The following TRIM23 variants were observed in gnomAD, a reference collection of about 807,000 sequenced individuals.
TRIM23 encodes tripartite motif containing 23.
In TRIM23, 27 loss-of-function variants were observed where a neutral mutation model predicts 71.0. The ratio of observed to expected loss-of-function variants is 0.38; its 90% CI spans 0.28 to 0.52. The LOEUF (loss-of-function observed/expected upper bound fraction) is 0.52. Among genes scored for constraint, TRIM23 ranks in the 20% least tolerant of loss-of-function variants. The probability of loss-of-function intolerance (pLI) is 0.84; values close to 1 mark genes in which losing one functional copy is unlikely to be tolerated. For synonymous variants in TRIM23, 234 were observed against 238.0 expected, an observed-to-expected ratio of 0.98 and a Z score of 0.16; for missense variants, 482 against 692.3, an observed-to-expected ratio of 0.70 and a Z score of 3.41.
intron 1 of TRIM23, among the ~76,000 whole-genome samples, chr5:65,623,577 T>C (rs747836713): frequency 1.8e-4 from 27 of 152,306 alleles, no homozygotes; most frequent in Non-Finnish European, 3.4e-4. Flanking sequence ...ATAAACTCTA[T>C]CGTTAATGCC....
chr5:65,623,734 G>A (rs1755021328), intron 1 of TRIM23, among the ~76,000 whole-genome samples: 1 of 152,038 alleles, frequency 6.6e-6, no homozygotes, highest in South Asian at 2.1e-4. Flanking sequence ...GTCAACCCGG[G>A]GCTCTGCCAC....
At chr5:65,607,319 G>A (rs1354965315) in intron 6 of TRIM23, among the ~76,000 whole-genome samples, 1 of 152,112 alleles carries the variant, frequency 6.6e-6, no homozygotes, top group African/African-American at 2.4e-5. Context: ...GTTTGGCTCC[G>A]TGTCCTCACC....
At chr5:65,622,206 C>T (rs1187867578) in intron 1 of TRIM23, among the ~76,000 whole-genome samples, 1 of 152,098 alleles carries the variant, frequency 6.6e-6, no homozygotes, top group Non-Finnish European at 1.5e-5. Flanking sequence ...CACTCTGTCA[C>T]CCAGGCTGGA....
At chr5:65,616,313 C>T (rs1188380805) in intron 2 of TRIM23, among the ~76,000 whole-genome samples, 8 of 152,144 alleles carry the variant, frequency 5.3e-5, no homozygotes, top group Non-Finnish European at 5.9e-5. Flanking sequence ...TAACTCTTCA[C>T]ATTGTGGTAT....
intron 7 of TRIM23, among the ~76,000 whole-genome samples, chr5:65,599,026 A>G (rs1449132538): frequency 1.3e-5 from 2 of 152,200 alleles, no homozygotes; most frequent in Non-Finnish European, 2.9e-5. Flanking sequence ...CAAAAAACTG[A>G]AAGCTTTTTC....
chr5:65,612,517 A>T (rs1042858954), intron 3 of TRIM23, among the ~76,000 whole-genome samples: 7 of 150,402 alleles, frequency 4.7e-5, no homozygotes, highest in African/African-American at 1.7e-4. Context: ...CACTGATTTA[A>T]GCAAATAAAA....
intron 1 of TRIM23, 85 bp from the exon 2 acceptor site, chr5:65,618,340 T>A (rs1375041891): frequency 1.5e-6 from 2 of 1,351,110 alleles, no homozygotes; most frequent in Admixed American, 2.7e-5. Flanking sequence ...TCACCTAATA[T>A]ATTGAATCAA....
intron 3 of TRIM23, among the ~76,000 whole-genome samples, chr5:65,612,638 G>A (rs1754683564): frequency 6.6e-6 from 1 of 152,030 alleles, no homozygotes; most frequent in Non-Finnish European, 1.5e-5. Context: ...GGCCAACATG[G>A]GGAAAGTCCA....
In TRIM23 at chr5:65,590,460, C is replaced by T; in HGVS notation, c.*1309G>A. 1 of 1,269,976 alleles carries T rather than the reference C, an allele frequency of 7.9e-7. No homozygotes were observed. The allele number at this position is 1,269,976 out of a possible 1,614,324, so 78.7% of individuals were successfully genotyped here. ...AACCACAACAGTGCTACCAAAAAGTCACATCTTGTTACCAGACATCACTGT... is the reference window on the plus strand; with the variant it reads ...AACCACAACAGTGCTACCAAAAAGTTACATCTTGTTACCAGACATCACTGT... On this transcript the variant is annotated 3_prime_UTR_variant, in exon 11 of 11. Coordinates refer to ENST00000231524, the MANE Select transcript of TRIM23 (RefSeq NM_001656.4).
In TRIM23 at chr5:65,609,224, C is replaced by A. The variant is rs149749557; in HGVS notation, c.1044+19G>T. 6.2e-7 allele frequency: 1 copy of A among 1,611,638 alleles called. No individual in the cohort carries two copies. The highest frequency in any genetic ancestry group is 1.1e-5 in the South Asian group (1 of 91,052). On this transcript the variant is annotated intron_variant, in intron 6 of 10. Transcript: ENST00000231524. ...CTTAAACTTACAACTAAGTCCCTAACCACATTTAAACTACCTACCTGCTGC... is the reference window on the plus strand; with the variant it reads ...CTTAAACTTACAACTAAGTCCCTAAACACATTTAAACTACCTACCTGCTGC...
intron 2 of TRIM23, among the ~76,000 whole-genome samples, chr5:65,617,702 C>G (rs1581191272): frequency 6.6e-6 from 1 of 152,090 alleles, no homozygotes; most frequent in African/African-American, 2.4e-5. Flanking sequence ...CATGGTGAGA[C>G]TCAAATGACT....
chr5:65,620,519 G>C (rs1754903125), intron 1 of TRIM23, among the ~76,000 whole-genome samples: 1 of 152,110 alleles, frequency 6.6e-6, no homozygotes. Context: ...GATTTCATAT[G>C]ATTAAAACAA....
At chr5:65,599,345 T>A (rs978961424) in intron 7 of TRIM23, among the ~76,000 whole-genome samples, 17 of 152,230 alleles carry the variant, frequency 1.1e-4, no homozygotes, top group African/African-American at 4.1e-4. Flanking sequence ...ATCATTTTTA[T>A]AGTTTATGAC....
At chr5:65,611,945 AAT>A in intron 3 of TRIM23, 64 bp from the exon 4 acceptor site, 7 of 1,460,914 alleles carry the variant, frequency 4.8e-6, no homozygotes, top group Non-Finnish European at 6.5e-6. Context: ...CGAATTTTTA[AAT>A]ATAGAATCCA....
At chr5:65,605,812 G>C (rs887054958) in intron 6 of TRIM23, among the ~76,000 whole-genome samples, 4 of 152,166 alleles carry the variant, frequency 2.6e-5, no homozygotes, top group Non-Finnish European at 5.9e-5. Context: ...CTCACTGTTA[G>C]ATACTCATGT....
chr5:65,593,030 T>C (rs1001181475), intron 10 of TRIM23, among the ~76,000 whole-genome samples: 3 of 151,254 alleles, frequency 2.0e-5, no homozygotes, highest in Admixed American at 6.6e-5. Flanking sequence ...ATCTGTAGGA[T>C]AACCTTTGGA....
intron 7 of TRIM23, among the ~76,000 whole-genome samples, chr5:65,599,638 T>A (rs1754308970): frequency 6.6e-6 from 1 of 152,166 alleles, no homozygotes; most frequent in South Asian, 2.1e-4. Context: ...TTGAAAGACA[T>A]AAAATATTAA....
rs1754587139 is a variant in TRIM23, at chr5:65,609,248, G to A, written c.1039C>T (p.Gln347Ter). The change falls in exon 6 of 11, where the codon CAG becomes TAG. Residue 347 changes from glutamine to a stop codon, truncating the protein, a stop_gained. Transcript: ENST00000231524. LOFTEE classifies it high-confidence loss of function. ...ACCACATTTAAACTACCTACCTGCT[G>A]CAAAGTCTTTTCACAGTGGAGGCAG... is the stretch of plus-strand genomic sequence containing the variant. ...AACLHCEKTL[Q>*]QDDCRVVLAK... The A allele has an allele frequency of 6.2e-7, 1 of 1,614,006 alleles. No individual in the cohort carries two copies. Among genetic ancestry groups the A allele is most frequent in the Admixed American group, 1.7e-5 (1 of 59,986 alleles).
At chr5:65,608,650 G>T (rs982746197) in intron 6 of TRIM23, among the ~76,000 whole-genome samples, 1 of 151,996 alleles carries the variant, frequency 6.6e-6, no homozygotes, top group African/African-American at 2.4e-5. Flanking sequence ...AACACAAATG[G>T]GTAAAGCTGA....
Sources: allele counts gnomAD v4.1 joint callset (sites outside exome capture counted in the v4.1 genomes callset), GRCh38; gene constraint gnomAD v4.1.1; transcripts MANE v1.5; gene names NCBI Gene and HGNC (gene_info 2026-07-23, HGNC 2026-07-21).